CYRIA: variants seen among roughly 807,000 people sequenced by gnomAD.
CYRIA encodes CYFIP related Rac1 interactor A.
A neutral mutation model predicts 43.9 loss-of-function variants in CYRIA; 15 were observed. That is an observed-to-expected ratio of 0.34 (90% CI 0.23 to 0.53). CYRIA has a LOEUF of 0.53. CYRIA is among the 20% of genes least tolerant of loss of function. The pLI, the probability that CYRIA is intolerant of heterozygous loss-of-function variation, is 0.94. For missense variants in CYRIA, 236 were observed against 394.2 expected (o/e 0.60, Z 3.40); for synonymous variants, 117 against 136.0 (o/e 0.86, Z 0.97).
At chr2:16,590,366 C>T (rs143030127) in intron 2 of CYRIA, among the ~76,000 whole-genome samples, 16 of 152,234 alleles carry the variant, frequency 1.1e-4, no homozygotes, top group Non-Finnish European at 2.1e-4. Flanking sequence ...TCTGGAGTCA[C>T]TTCTTGTAGG....
At chr2:16,579,458 C>G (rs1216368104) in intron 3 of CYRIA, among the ~76,000 whole-genome samples, 2 of 151,866 alleles carry the variant, frequency 1.3e-5, no homozygotes, top group East Asian at 3.9e-4. Context: ...CGCTCTCTCT[C>G]TCTCTTAAAT....
chr2:16,585,864 G>T (rs573765471), intron 3 of CYRIA, among the ~76,000 whole-genome samples: 1 of 152,252 alleles, frequency 6.6e-6, no homozygotes, highest in South Asian at 2.1e-4. Context: ...TCAGAAATCT[G>T]ATGCTCAGGA....
At chr2:16,635,243 C>T (rs912792315) in intron 1 of CYRIA, among the ~76,000 whole-genome samples, 4 of 152,196 alleles carry the variant, frequency 2.6e-5, no homozygotes, top group Non-Finnish European at 4.4e-5. Context: ...TTAACAGAGA[C>T]CTACTTTTCC....
At chr2:16,644,707 C>G (rs1303606766) in intron 1 of CYRIA, among the ~76,000 whole-genome samples, 1 of 152,178 alleles carries the variant, frequency 6.6e-6, no homozygotes, top group African/African-American at 2.4e-5. Context: ...GGAGGCCACA[C>G]TTAGATAACC....
In CYRIA at chr2:16,562,100, G is replaced by T; in HGVS notation, c.340C>A (p.Pro114Thr). ...TCCAGGTGTTGGGTTGGTGTGTAGG[G>T]TGGACAAGTCAGAGATTCCAATAAA... is the stretch of plus-strand genomic sequence containing the variant. ...QSLLESLTCPPYTPTQHLERE... is the reference protein window; with the variant it reads ...QSLLESLTCPTYTPTQHLERE... The change falls in exon 6 of 12, where the codon CCC (proline) becomes ACC (threonine). Residue 114 changes from proline (P) to threonine (T), a missense_variant. Coordinates refer to ENST00000381323, the MANE Select transcript of CYRIA (RefSeq NM_030797.4). 3 of 1,613,202 alleles carry T rather than the reference G, an allele frequency of 1.9e-6. No homozygotes were observed. The highest frequency in any genetic ancestry group is 1.7e-6 in the Non-Finnish European group (2 of 1,179,426).
chr2:16,638,633 G>A (rs568139434), intron 1 of CYRIA, among the ~76,000 whole-genome samples: 4 of 152,218 alleles, frequency 2.6e-5, no homozygotes, highest in African/African-American at 4.8e-5. Context: ...GGCTTGCACC[G>A]CACATGAGGC....
intron 2 of CYRIA, among the ~76,000 whole-genome samples, chr2:16,593,709 TG>T (rs1177165332): frequency 0.034 from 2,259 of 66,496 alleles, 114 homozygotes; most frequent in African/African-American, 0.17. Context: ...TTTTTTTTTG[TG>T]TGTGTGTGTT....
In CYRIA at chr2:16,551,196, A is replaced by AT. The variant is rs1358086021; in HGVS notation, c.*1739dup. On this transcript the variant is annotated 3_prime_UTR_variant, in exon 12 of 12. Transcript: ENST00000381323. ...CTTGCTAAAACAACATAAGACAAGT[A>AT]TTTTTTCCCCTTTATTGGAGGATCC... 2 of 152,126 alleles carry AT rather than the reference A, an allele frequency of 1.3e-5. No homozygotes were observed. Among genetic ancestry groups the AT allele is most frequent in the Non-Finnish European group, 2.9e-5 (2 of 68,008 alleles). The allele number at this position is 152,126 out of a possible 1,614,324, so 9.4% of individuals were successfully genotyped here. A position where few individuals can be genotyped will look rare whatever the true frequency, so the allele number is the denominator to read the frequency against.
At chr2:16,648,935 C>T (rs1572203343) in intron 1 of CYRIA, among the ~76,000 whole-genome samples, 2 of 152,256 alleles carry the variant, frequency 1.3e-5, no homozygotes, top group South Asian at 4.1e-4. Context: ...AATGTTCACA[C>T]CGTGTTTAAT....
chr2:16,625,807 T>C (rs1387056977), intron 1 of CYRIA: 2 of 150,464 alleles, frequency 1.3e-5, no homozygotes, highest in Admixed American at 6.6e-5. Context: ...TGATCAGGTA[T>C]CAGGGAGAGC....
chr2:16,634,712 T>G (rs1240064207), intron 1 of CYRIA, among the ~76,000 whole-genome samples: 1 of 152,210 alleles, frequency 6.6e-6, no homozygotes, highest in African/African-American at 2.4e-5. Context: ...AAGACTAATA[T>G]GTGATCAGCA....
At chr2:16,583,750 T>A (rs1438706967) in intron 3 of CYRIA, among the ~76,000 whole-genome samples, 1 of 152,032 alleles carries the variant, frequency 6.6e-6, no homozygotes, top group African/African-American at 2.4e-5. Context: ...AAAGAGGACA[T>A]GGAGACATGG....
chr2:16,620,909 A>G (rs4832661), intron 2 of CYRIA, among the ~76,000 whole-genome samples: 1 of 151,870 alleles, frequency 6.6e-6, no homozygotes, highest in Admixed American at 6.6e-5. Context: ...GCCTGGCTAC[A>G]TCTCATCTCC....
intron 3 of CYRIA, among the ~76,000 whole-genome samples, chr2:16,573,439 G>C (rs1293168079): frequency 6.6e-6 from 1 of 152,282 alleles, no homozygotes; most frequent in East Asian, 1.9e-4. Context: ...GTAGTACCCA[G>C]CCAAGGTATG....
chr2:16,636,049 A>G (rs1669487397), intron 1 of CYRIA, among the ~76,000 whole-genome samples: 1 of 152,156 alleles, frequency 6.6e-6, no homozygotes, highest in African/African-American at 2.4e-5. Context: ...GCACAAGGAA[A>G]GAGGCAATGG....
intron 3 of CYRIA, among the ~76,000 whole-genome samples, chr2:16,574,685 T>C (rs1177726938): frequency 6.6e-6 from 1 of 152,192 alleles, no homozygotes; most frequent in Non-Finnish European, 1.5e-5. Context: ...TCCCAAGCCA[T>C]GGTGGCTCAC....
chr2:16,660,690 G>A (rs1369382698), intron 1 of CYRIA, among the ~76,000 whole-genome samples: 1 of 152,058 alleles, frequency 6.6e-6, no homozygotes, highest in Non-Finnish European at 1.5e-5. Context: ...AACCCTTTGG[G>A]GCACTCCATT....
chr2:16,623,047 C>T (rs1669047692), intron 2 of CYRIA: 1 of 152,138 alleles, frequency 6.6e-6, no homozygotes, highest in African/African-American at 2.4e-5. Context: ...GAAGATAACA[C>T]CAAAAACTAG....
At chr2:16,574,013 A>C (rs1667234901) in intron 3 of CYRIA, among the ~76,000 whole-genome samples, 1 of 152,216 alleles carries the variant, frequency 6.6e-6, no homozygotes, top group Non-Finnish European at 1.5e-5. Context: ...AGAAGACAGG[A>C]AAATGTGGAA....
Sources: allele counts gnomAD v4.1 joint callset (sites outside exome capture counted in the v4.1 genomes callset), GRCh38; gene constraint gnomAD v4.1.1; transcripts MANE v1.5; gene names NCBI Gene and HGNC (gene_info 2026-07-23, HGNC 2026-07-21).